The following IFT140 variants were observed in gnomAD, a reference collection of about 807,000 sequenced individuals.
IFT140 encodes the protein intraflagellar transport protein 140 homolog.
A neutral mutation model predicts 164.6 loss-of-function variants in IFT140; 133 were observed. The observed-to-expected ratio is 0.81, with a 90% CI of 0.70 to 0.93. The LOEUF is 0.93. Ranked by LOEUF, IFT140 falls within the 40% of genes least tolerant of loss-of-function variation. The pLI is 0.00. For missense variants in IFT140, 2,045 were observed against 1,972.3 expected, an observed-to-expected ratio of 1.04 and a Z score of -0.70; for synonymous variants, 860 against 817.3, an observed-to-expected ratio of 1.05 and a Z score of -0.89.
At chr16:1,527,872 C>G (rs1379810874) in intron 19 of IFT140, among the ~76,000 whole-genome samples, 1 of 152,240 alleles carries the variant, frequency 6.6e-6, no homozygotes, top group African/African-American at 2.4e-5. Context: ...CGCGCCCAGC[C>G]CCCCGCCTCT....
At chr16:1,554,055 G>A (rs1349094760) in intron 19 of IFT140, 1 of 1,287,172 alleles carries the variant, frequency 7.8e-7, no homozygotes, top group African/African-American at 1.5e-5. Flanking sequence ...AAAGAGAGGG[G>A]AAAGCATGGA....
intron 19 of IFT140, among the ~76,000 whole-genome samples, chr16:1,536,190 C>A (rs759143363): frequency 2.0e-5 from 3 of 152,258 alleles, no homozygotes; most frequent in Non-Finnish European, 4.4e-5. Flanking sequence ...GCCCAGGCAG[C>A]CCAATCTCAG....
chr16:1,524,606 C>A lies in IFT140; in HGVS notation c.3087G>T (p.Ala1029=), dbSNP rs139078766. The A allele has an allele frequency of 6.2e-7, 1 of 1,605,824 alleles. No individual in the cohort carries two copies. The highest frequency in any genetic ancestry group is 8.5e-7 in the Non-Finnish European group (1 of 1,174,532). The change falls in exon 24 of 31, where the codon GCG becomes GCT. Residue 1029 remains alanine, a synonymous_variant. Transcript: ENST00000426508. The part of the protein sequence containing the change: ...QYESQEEVGQ[A]VHFYTRAQAF... ...CCTGTGCCCGGGTGTAGAAGTGCAC[C>A]GCCTGCCCGACCTCCTCCTGGCTCT...
At position 1,610,736 on chromosome 16, in the gene IFT140, T is replaced by C. The variant is rs2036294231; in HGVS notation, c.-104A>G. The C allele has an allele frequency of 6.5e-6, 1 of 153,262 alleles. No homozygotes were observed. Among genetic ancestry groups the C allele is most frequent in the Non-Finnish European group, 1.5e-5 (1 of 68,212 alleles). The allele number at this position is 153,262 out of a possible 1,614,324, so 9.5% of individuals were successfully genotyped here. ...CCAGGAACGCGGAAATAGCCGAAGGTGAGCGAGGCGGCCCCGAGGACTCCC... is the reference window on the plus strand; with the variant it reads ...CCAGGAACGCGGAAATAGCCGAAGGCGAGCGAGGCGGCCCCGAGGACTCCC... On this transcript the variant is annotated 5_prime_UTR_variant, in exon 2 of 31. Coordinates refer to ENST00000426508, the MANE Select transcript of IFT140 (RefSeq NM_014714.4).
At position 1,527,842 on chromosome 16, in the gene IFT140, G is replaced by T. The variant is rs2141192449; in HGVS notation, c.2400-1046C>A. ...CCTGCCTTGGCCTCCCACACTGCTG[G>T]GATGACAGGCATGGGCCACCGCGCC... is the stretch of plus-strand genomic sequence containing the variant. On this transcript the variant is annotated intron_variant, in intron 19 of 30. Coordinates refer to ENST00000426508, the MANE Select transcript of IFT140 (RefSeq NM_014714.4). Among the ~76,000 whole-genome samples the T allele has an allele frequency of 1.3e-5, 2 of 152,338 alleles. 1 individual carries two copies. The highest frequency in any genetic ancestry group is 4.8e-5 in the African/African-American group (2 of 41,562).
chr16:1,568,436 T>C (rs563215697), intron 14 of IFT140, 102 bp from the exon 15 acceptor site: 3 of 932,332 alleles, frequency 3.2e-6, no homozygotes, highest in African/African-American at 3.3e-5. Flanking sequence ...TGCACAGCTC[T>C]TAGGCTGCTT....
chr16:1,520,602 C>A lies in IFT140; in HGVS notation c.3660G>T (p.Lys1220Asn). 6.3e-7 allele frequency: 1 copy of A among 1,576,982 alleles called. No individual in the cohort carries two copies. The highest frequency in any genetic ancestry group is 1.8e-5 in the Admixed American group (1 of 56,348). Residue 1220 changes from lysine to asparagine, a missense_variant and splice_region_variant, in exon 27 of 31, where the codon AAG becomes AAT. By Grantham distance (94) the Lys-to-Asn change is moderately conservative. Transcript: ENST00000426508. ...KKYTQAGNKL[K>N]AMRALLKSGD... ...CGGGCTGGGGCCGGGAGAGGCTCAC[C>A]TTCAGCTTGTTGCCGGCCTGCGTGT...
intron 4 of IFT140, among the ~76,000 whole-genome samples, chr16:1,593,540 C>T (rs2035298922): frequency 6.6e-6 from 1 of 152,134 alleles, no homozygotes; most frequent in South Asian, 2.1e-4. Context: ...CCCCACGTGA[C>T]ATCTGGCCGC....
At chr16:1,560,332 G>T (rs1308170134) in intron 18 of IFT140, among the ~76,000 whole-genome samples, 1 of 152,226 alleles carries the variant, frequency 6.6e-6, no homozygotes, top group Non-Finnish European at 1.5e-5. Context: ...GTGCAGCCTG[G>T]CTCTACATGG....
At chr16:1,532,863 C>T (rs966680724) in intron 19 of IFT140, 1 of 152,268 alleles carries the variant, frequency 6.6e-6, no homozygotes, top group Non-Finnish European at 1.5e-5. Flanking sequence ...TGCCCGAGAG[C>T]CTGACCACTC....
chr16:1,569,702 T>A lies in IFT140; in HGVS notation c.1653-1368A>T, dbSNP rs181102139. 2.3e-3 allele frequency among the ~76,000 whole-genome samples: 350 copies of A among 151,616 alleles called. 1 individual carries two copies. Among genetic ancestry groups the A allele is most frequent in the African/African-American group, 7.5e-3 (310 of 41,316 alleles). On this transcript the variant is annotated intron_variant, in intron 14 of 30. Transcript: ENST00000426508. ...ACCTCCTGGGCTCAAGTGATCCTCC[T>A]GCCTCAGCCACCTGAGTAACTGGTA...
chr16:1,534,494 T>C, intron 19 of IFT140: 1 of 1,609,706 alleles, frequency 6.2e-7, no homozygotes, highest in Non-Finnish European at 8.5e-7. Context: ...CACATGACTG[T>C]GAGGCGCTGG....
intron 19 of IFT140, among the ~76,000 whole-genome samples, chr16:1,544,160 G>T (rs8053608): frequency 0.26 from 38,291 of 148,984 alleles, 5,546 homozygotes; most frequent in African/African-American, 0.39. Flanking sequence ...TGGGATTGCA[G>T]GCACCTGCCA....
chr16:1,569,996 G>C (rs756349195), intron 14 of IFT140, among the ~76,000 whole-genome samples: 21 of 152,204 alleles, frequency 1.4e-4, no homozygotes, highest in Non-Finnish European at 3.1e-4. Context: ...TTGGCTATTA[G>C]GACCTCTTTT....
chr16:1,525,479 G>A (rs1035574889), intron 21 of IFT140, among the ~76,000 whole-genome samples, 153 bp from the exon 22 acceptor site: 2 of 151,430 alleles, frequency 1.3e-5, no homozygotes, highest in Non-Finnish European at 2.9e-5. Flanking sequence ...CTGAGCACAC[G>A]TGGCCAGGGG....
In IFT140 at chr16:1,525,848, C is replaced by T. The variant is rs1378420924; in HGVS notation, c.2768+39G>A. 1.7e-5 allele frequency: 25 copies of T among 1,485,944 alleles called. No individual in the cohort carries two copies. The South Asian group carries it at 2.8e-4, about 17-fold the overall frequency. 92.0% of individuals were successfully genotyped at this position (1,485,944 alleles called of 1,614,324 possible). A position where few individuals can be genotyped will look rare whatever the true frequency, so the allele number is the denominator to read the frequency against. ...AAGAGGCCTCACAAGCCAGGGCCAT[C>T]CAGAGAGGCAGGGAAGAGGCCGCGA... On this transcript the variant is annotated intron_variant, in intron 21 of 30. Coordinates refer to ENST00000426508, the MANE Select transcript of IFT140 (RefSeq NM_014714.4).
chr16:1,559,122 G>A (rs1396484094), intron 18 of IFT140, among the ~76,000 whole-genome samples: 13 of 152,242 alleles, frequency 8.5e-5, no homozygotes, highest in Admixed American at 8.5e-4. Flanking sequence ...GGACGGATGT[G>A]ACTGGGGCCC....
chr16:1,539,787 G>C (rs960795498), intron 19 of IFT140, among the ~76,000 whole-genome samples: 2 of 152,206 alleles, frequency 1.3e-5, no homozygotes, highest in Non-Finnish European at 2.9e-5. Context: ...CAGGCAGCGT[G>C]CTCCGCTCTC....
intron 2 of IFT140, among the ~76,000 whole-genome samples, chr16:1,608,588 G>T (rs1387896199): frequency 2.1e-5 from 3 of 140,710 alleles, no homozygotes; most frequent in Non-Finnish European, 4.5e-5. Flanking sequence ...AGCTGAGATC[G>T]CGCCACTGTA....
Sources: gnomAD v4.1 joint callset for allele counts (sites outside exome capture counted in the v4.1 genomes callset) on GRCh38, gnomAD v4.1.1 for gene constraint, MANE v1.5 for transcripts, NCBI Gene and HGNC (gene_info 2026-07-23, HGNC 2026-07-21) for gene names.